Variants in MAB21L1 observed in about 807,000 individuals in gnomAD.
MAB21L1 encodes mab-21 like 1.
A neutral mutation model predicts 28.9 loss-of-function variants in MAB21L1; 8 were observed. The observed-to-expected ratio is 0.28, with a 90% confidence interval of 0.16 to 0.50. The LOEUF (loss-of-function observed/expected upper bound fraction) is 0.50. Among genes scored for constraint, MAB21L1 ranks in the 20% least tolerant of loss-of-function variants. The pLI is 0.98. For synonymous variants in MAB21L1, 219 were observed against 198.2 expected, an observed-to-expected ratio of 1.10 and a Z score of -0.88; for missense variants, 388 against 466.5, an observed-to-expected ratio of 0.83 and a Z score of 1.55.
In MAB21L1 at chr13:35,476,413, C is replaced by A. The variant is rs991299149; in HGVS notation, c.-275G>T. The A allele has an allele frequency of 3.0e-6, 3 of 997,428 alleles. No individual in the cohort carries two copies. The highest frequency in any genetic ancestry group is 2.7e-5 in the South Asian group (2 of 72,784). The allele number at this position is 997,428 out of a possible 1,614,324, so 61.8% of individuals were successfully genotyped here. On this transcript the variant is annotated 5_prime_UTR_variant, in exon 1 of 1. Transcript: ENST00000379919. ...TCTTAAAGTGAAAGACTGTCCTCCC[C>A]CCTCTGCTTGTCTCTCTTCCTCTTT...
In MAB21L1 at chr13:35,475,286, G is replaced by A; in HGVS notation, c.853C>T (p.His285Tyr). Reference protein sequence around the residue: ...KTLVSYECEKHPRESDWDESC... With the variant: ...KTLVSYECEKYPRESDWDESC... ...TCGTCCCAGTCCGACTCTCGGGGAT[G>A]CTTTTCACACTCGTAGGAAACCAGA... Residue 285 changes from histidine (H) to tyrosine (Y), a missense_variant, in exon 1 of 1, where the codon CAT (histidine) becomes TAT (tyrosine). His to Tyr is a moderately conservative substitution (Grantham distance 83). Coordinates refer to ENST00000379919, the MANE Select transcript of MAB21L1 (RefSeq NM_005584.5). 1 of 1,614,110 alleles carries A rather than the reference G, an allele frequency of 6.2e-7. No homozygotes were observed.
In MAB21L1 at chr13:35,474,472, AGATAAAAGTACCAG is replaced by A. The variant is rs1229102912; in HGVS notation, c.*573_*586del. 2 of 152,732 alleles carry A rather than the reference AGATAAAAGTACCAG, an allele frequency of 1.3e-5. No homozygotes were observed. The highest frequency in any genetic ancestry group is 2.9e-5 in the Non-Finnish European group (2 of 68,086). The allele number at this position is 152,732 out of a possible 1,614,324, so 9.5% of individuals were successfully genotyped here. Reference sequence around the variant, plus strand: ...TTAAAGTTCAGACACTTTCAAAGACAGATAAAAGTACCAGGAAGAAATCTACCTTTAAATGATAT... The same window carrying A: ...TTAAAGTTCAGACACTTTCAAAGACAGAAGAAATCTACCTTTAAATGATAT... On this transcript the variant is annotated 3_prime_UTR_variant, in exon 1 of 1. Coordinates refer to ENST00000379919, the MANE Select transcript of MAB21L1 (RefSeq NM_005584.5).
rs769929963 is a variant in MAB21L1 at position 35,475,607 on chromosome 13, C to T, written c.532G>A (p.Gly178Arg). The change falls in exon 1 of 1, where the codon GGG becomes AGG. Residue 178 changes from glycine (G) to arginine (R), a missense_variant. By Grantham distance (125) the Gly-to-Arg change is moderately radical (BLOSUM62 -2). Transcript: ENST00000379919. Reference sequence around the variant, plus strand: ...TGGGCAGCACTCCTCGGCCAGATCCCGGTGCATTTAAAGGCCGGCGTGATC... The same window carrying T: ...TGGGCAGCACTCCTCGGCCAGATCCTGGTGCATTTAAAGGCCGGCGTGATC... The part of the protein sequence containing the change: ...VQITPAFKCT[G>R]IWPRSAAHWP... 6.2e-7 allele frequency: 1 copy of T among 1,613,632 alleles called. No individual in the cohort carries two copies. Among genetic ancestry groups the T allele is most frequent in the Non-Finnish European group, 8.5e-7 (1 of 1,179,914 alleles).
Position 35,476,469 on chromosome 13 carries a change from G to A in MAB21L1, c.-331C>T. On this transcript the variant is annotated 5_prime_UTR_variant, in exon 1 of 1. Coordinates refer to ENST00000379919, the MANE Select transcript of MAB21L1 (RefSeq NM_005584.5). ...AATCCTTGTGTGAGAGAACCGCATGGAGAGATCACCTTCTCAGGAATAAAA... is the reference window on the plus strand; with the variant it reads ...AATCCTTGTGTGAGAGAACCGCATGAAGAGATCACCTTCTCAGGAATAAAA... 1 of 795,176 alleles carries A rather than the reference G, an allele frequency of 1.3e-6. No homozygotes were observed. The highest frequency in any genetic ancestry group is 2.1e-6 in the Non-Finnish European group (1 of 474,554). 49.3% of individuals were successfully genotyped at this position (795,176 alleles called of 1,614,324 possible).
rs1428134441 is a variant in MAB21L1, at chr13:35,475,555, G to A, written c.584C>T (p.Pro195Leu). 4 of 1,613,334 alleles carry A rather than the reference G, an allele frequency of 2.5e-6. No individual in the cohort carries two copies. The highest frequency in any genetic ancestry group is 3.4e-6 in the Non-Finnish European group (4 of 1,179,942). The change falls in exon 1 of 1, where the codon CCG (proline) becomes CTG (leucine). Residue 195 changes from proline to leucine, a missense_variant. Pro to Leu is a moderately conservative substitution (Grantham distance 98). Transcript: ENST00000379919. ...AHWPLPHIPW[P>L]GPNRVAEVKA... ...GACCTCCGCCACCCGGTTGGGTCCC[G>A]GCCAGGGGATGTGGGGAAGTGGCCA...
chr13:35,475,004 A>T lies in MAB21L1; in HGVS notation c.*55T>A. On this transcript the variant is annotated 3_prime_UTR_variant, in exon 1 of 1. Transcript: ENST00000379919. ...TATTAGGAATTGAACAGAAGTTTACACTTAATAAGGACTTTGAGAAGGGTA... is the reference window on the plus strand; with the variant it reads ...TATTAGGAATTGAACAGAAGTTTACTCTTAATAAGGACTTTGAGAAGGGTA... 6.4e-7 allele frequency: 1 copy of T among 1,550,808 alleles called. No individual in the cohort carries two copies. Among genetic ancestry groups the T allele is most frequent in the South Asian group, 1.2e-5 (1 of 80,476 alleles).
chr13:35,476,349 TG>T lies in MAB21L1; in HGVS notation c.-212del, dbSNP rs2075870823. The T allele has an allele frequency of 1.6e-6, 2 of 1,228,868 alleles. No homozygotes were observed. The highest frequency in any genetic ancestry group is 2.3e-6 in the Non-Finnish European group (2 of 862,448). The allele number at this position is 1,228,868 out of a possible 1,614,324, so 76.1% of individuals were successfully genotyped here. A position where few individuals can be genotyped will look rare whatever the true frequency, so the allele number is the denominator to read the frequency against. On this transcript the variant is annotated 5_prime_UTR_variant, in exon 1 of 1. Coordinates refer to ENST00000379919, the MANE Select transcript of MAB21L1 (RefSeq NM_005584.5). Reference sequence around the variant, plus strand: ...CTGCTGCTGCTGCTGCTGCTGCTGCTGCTGCTTTTCCCTTCCTTTTATCTTT... The same window carrying T: ...CTGCTGCTGCTGCTGCTGCTGCTGCTCTGCTTTTCCCTTCCTTTTATCTTT...
rs769432965 is a variant in MAB21L1 at position 35,476,111 on chromosome 13, A to G, written c.28T>C (p.Tyr10His). MIAAQAKLV[Y>H]HLNKYYNEKC... The stretch of plus-strand genomic sequence containing the variant: ...TCGTTGTAGTATTTATTCAGATGGT[A>G]GACCAGCTTGGCCTGGGCCGCAATC... Residue 10 changes from tyrosine (Y) to histidine (H), a missense_variant, in exon 1 of 1, where the codon TAC (tyrosine) becomes CAC (histidine). Coordinates refer to ENST00000379919, the MANE Select transcript of MAB21L1 (RefSeq NM_005584.5). The G allele has an allele frequency of 6.8e-6, 11 of 1,614,214 alleles. No homozygotes were observed. The highest frequency in any genetic ancestry group is 8.5e-6 in the Non-Finnish European group (10 of 1,180,036).
At position 35,475,587 on chromosome 13, in the gene MAB21L1, A is replaced by T. The variant is rs781359364; in HGVS notation, c.552T>A (p.Ala184=). ...FKCTGIWPRS[A]AHWPLPHIPW... is the part of the protein sequence containing the mutation. Reference sequence around the variant, plus strand: ...GGATGTGGGGAAGTGGCCAGTGGGCAGCACTCCTCGGCCAGATCCCGGTGC... The same window carrying T: ...GGATGTGGGGAAGTGGCCAGTGGGCTGCACTCCTCGGCCAGATCCCGGTGC... The change falls in exon 1 of 1, where the codon GCT becomes GCA. Residue 184 remains alanine (A), a synonymous_variant. Coordinates refer to ENST00000379919, the MANE Select transcript of MAB21L1 (RefSeq NM_005584.5). 1 of 1,613,564 alleles carries T rather than the reference A, an allele frequency of 6.2e-7. No individual in the cohort carries two copies.
At position 35,475,409 on chromosome 13, in the gene MAB21L1, C is replaced by A. The variant is rs1050308917; in HGVS notation, c.730G>T (p.Gly244Trp). 1 of 1,613,746 alleles carries A rather than the reference C, an allele frequency of 6.2e-7. No homozygotes were observed. Among genetic ancestry groups the A allele is most frequent in the Non-Finnish European group, 8.5e-7 (1 of 1,179,978 alleles). The change falls in exon 1 of 1, where the codon GGG (glycine) becomes TGG (tryptophan). Residue 244 changes from glycine to tryptophan, a missense_variant. By Grantham distance (184) the Gly-to-Trp change is radical. Around this residue, in one of 3 missense-constraint regions of MAB21L1, gnomAD observed 218 missense variants for 220.6 expected, o/e 0.99. Transcript: ENST00000379919. ...GAGAGGCACTTCTTTCTGCAGCCCCCCATCTGCAGTCTGTTCTCTGCCTCC... is the reference window on the plus strand; with the variant it reads ...GAGAGGCACTTCTTTCTGCAGCCCCACATCTGCAGTCTGTTCTCTGCCTCC... ...FAEAENRLQM[G>W]GCRKKCLSIL...
In MAB21L1 at chr13:35,476,550, C is replaced by T. The variant is rs1214967927; in HGVS notation, c.-412G>A. The T allele has an allele frequency of 1.5e-5, 9 of 592,124 alleles. No homozygotes were observed. In the East Asian group the frequency reaches 2.0e-4, roughly 13 times the overall value. The allele number at this position is 592,124 out of a possible 1,614,324, so 36.7% of individuals were successfully genotyped here. The stretch of plus-strand genomic sequence containing the variant: ...TCTTCCAGTAGTCAAAATAAGCACC[C>T]CTTTCCGTATTTATTTGCGCTTTCC... On this transcript the variant is annotated 5_prime_UTR_variant, in exon 1 of 1. Coordinates refer to ENST00000379919, the MANE Select transcript of MAB21L1 (RefSeq NM_005584.5).
rs748894420 is a variant in MAB21L1, at chr13:35,475,775, A to T, written c.364T>A (p.Tyr122Asn). Residue 122 changes from tyrosine to asparagine, a missense_variant, in exon 1 of 1, where the codon TAC (tyrosine) becomes AAC (asparagine). Around this residue, in one of 3 missense-constraint regions of MAB21L1, gnomAD observed 81 missense variants for 153.7 expected, o/e 0.53. Transcript: ENST00000379919. ...LWVEFITASG[Y>N]LSARKIRSRF... is the part of the protein sequence containing the mutation. The stretch of plus-strand genomic sequence containing the variant: ...GACCGGATTTTGCGCGCCGAGAGGT[A>T]GCCGGAGGCGGTAATGAATTCCACC... 6.1e-5 allele frequency: 99 copies of T among 1,613,796 alleles called. No individual in the cohort carries two copies. The highest frequency in any genetic ancestry group is 7.9e-5 in the Non-Finnish European group (93 of 1,179,980).
Position 35,475,840 on chromosome 13 carries a change from AGCACCGC to A in MAB21L1, c.292_298del (p.Ala98Ter). Reference sequence around the variant, plus strand: ...CCTCTTGCGCCCGTCGCTCAACTTCAGCACCGCGCAGCCGGGCAGTGAGCCATCGTCC... The same window carrying A: ...CCTCTTGCGCCCGTCGCTCAACTTCAGCAGCCGGGCAGTGAGCCATCGTCC... On this transcript the variant is annotated frameshift_variant, in exon 1 of 1. Coordinates refer to ENST00000379919, the MANE Select transcript of MAB21L1 (RefSeq NM_005584.5). LOFTEE classifies it high-confidence loss of function. 1.2e-6 allele frequency: 2 copies of A among 1,614,054 alleles called. No homozygotes were observed. The highest frequency in any genetic ancestry group is 1.7e-6 in the Non-Finnish European group (2 of 1,180,030).
chr13:35,476,501 A>T lies in MAB21L1; in HGVS notation c.-363T>A. On this transcript the variant is annotated 5_prime_UTR_variant, in exon 1 of 1. Transcript: ENST00000379919. ...CACCTTCTCAGGAATAAAAAACAAA[A>T]GTTGCGCTGAGACCCAGCAAAGCTC... 1.5e-6 allele frequency: 1 copy of T among 678,218 alleles called. No individual in the cohort carries two copies. The allele number at this position is 678,218 out of a possible 1,614,324, so 42.0% of individuals were successfully genotyped here. A position where few individuals can be genotyped will look rare whatever the true frequency, so the allele number is the denominator to read the frequency against.
Position 35,475,408 on chromosome 13 carries a change from C to A in MAB21L1, c.731G>T (p.Gly244Val). The change falls in exon 1 of 1, where the codon GGG becomes GTG. Residue 244 changes from glycine to valine, a missense_variant. Coordinates refer to ENST00000379919, the MANE Select transcript of MAB21L1 (RefSeq NM_005584.5). ...GGAGAGGCACTTCTTTCTGCAGCCC[C>A]CCATCTGCAGTCTGTTCTCTGCCTC... ...FAEAENRLQM[G>V]GCRKKCLSIL... 1 of 1,613,730 alleles carries A rather than the reference C, an allele frequency of 6.2e-7. No individual in the cohort carries two copies. The highest frequency in any genetic ancestry group is 1.3e-5 in the African/African-American group (1 of 74,920).
At position 35,476,684 on chromosome 13, in the gene MAB21L1, TTGTC is replaced by T. The variant is rs2075887536; in HGVS notation, c.-550_-547del. The T allele has an allele frequency of 2.2e-6, 2 of 910,310 alleles. No homozygotes were observed. The highest frequency in any genetic ancestry group is 4.8e-4 in the Middle Eastern group (1 of 2,096). The allele number at this position is 910,310 out of a possible 1,614,324, so 56.4% of individuals were successfully genotyped here. Reference sequence around the variant, plus strand: ...TATGTCAGAAGAAGCTGCTGTTGGTTTGTCTAAGAGCCCAGATGCACTCGTGTGG... The same window carrying T: ...TATGTCAGAAGAAGCTGCTGTTGGTTTAAGAGCCCAGATGCACTCGTGTGG... On this transcript the variant is annotated 5_prime_UTR_variant, in exon 1 of 1. Transcript: ENST00000379919.
In MAB21L1 at chr13:35,475,506, C is replaced by T; in HGVS notation, c.633G>A (p.Leu211=). ...AEVKAEGFNL[L]SKECHSLAGK... ...CGGCCAAGGAGTGGCACTCCTTGGACAAGAGATTGAAACCTTCCGCCTTGA... is the reference window on the plus strand; with the variant it reads ...CGGCCAAGGAGTGGCACTCCTTGGATAAGAGATTGAAACCTTCCGCCTTGA... Residue 211 remains leucine, a synonymous_variant, in exon 1 of 1, where the codon TTG becomes TTA. Coordinates refer to ENST00000379919, the MANE Select transcript of MAB21L1 (RefSeq NM_005584.5). The T allele has an allele frequency of 1.2e-6, 2 of 1,612,396 alleles. No individual in the cohort carries two copies. Among genetic ancestry groups the T allele is most frequent in the Non-Finnish European group, 8.5e-7 (1 of 1,179,876 alleles).
In MAB21L1 at chr13:35,475,077, T is replaced by A. The variant is rs1471502519; in HGVS notation, c.1062A>T (p.Lys354Asn). The stretch of plus-strand genomic sequence containing the variant: ...TCATCCTCTAAAGTTTTTCCAAACT[T>A]TTCGGGTTGGTCAGGATCTCTCTTG... ...RLAREILTNP[K>N]SLEKL Residue 354 changes from lysine (K) to asparagine (N), a missense_variant, in exon 1 of 1, where the codon AAA becomes AAT. Transcript: ENST00000379919. The A allele has an allele frequency of 6.2e-7, 1 of 1,612,328 alleles. No individual in the cohort carries two copies. Among genetic ancestry groups the A allele is most frequent in the South Asian group, 1.1e-5 (1 of 90,918 alleles).
In MAB21L1 at chr13:35,474,783, C is replaced by A. The variant is rs142672727; in HGVS notation, c.*276G>T. 2 of 361,964 alleles carry A rather than the reference C, an allele frequency of 5.5e-6. No individual in the cohort carries two copies. Among genetic ancestry groups the A allele is most frequent in the African/African-American group, 4.2e-5 (2 of 48,076 alleles). The allele number at this position is 361,964 out of a possible 1,614,324, so 22.4% of individuals were successfully genotyped here. A position where few individuals can be genotyped will look rare whatever the true frequency, so the allele number is the denominator to read the frequency against. On this transcript the variant is annotated 3_prime_UTR_variant, in exon 1 of 1. Coordinates refer to ENST00000379919, the MANE Select transcript of MAB21L1 (RefSeq NM_005584.5). ...TCTGGCGTTACAGCTGGGCTGTTTA[C>A]GGAGTGTTACGGTGTACTTTTCAAG...
Sources: allele counts gnomAD v4.1 joint callset, GRCh38; gene constraint gnomAD v4.1.1; regional missense constraint gnomAD v4.1.1; transcripts MANE v1.5; gene names NCBI Gene and HGNC (gene_info 2026-07-23, HGNC 2026-07-21).